Variants in FGF12 observed in about 807,000 individuals in gnomAD.
FGF12 encodes the protein fibroblast growth factor 12, also known as fibroblast growth factor 12B.
In FGF12, 14 loss-of-function variants were observed where a neutral mutation model predicts 23.6. The observed-to-expected ratio is 0.59, with a 90% confidence interval of 0.39 to 0.93. FGF12 has a LOEUF of 0.93. Ranked by LOEUF, FGF12 falls within the 40% of genes least tolerant of loss-of-function variation. FGF12 has a pLI of 0.00. For synonymous variants in FGF12, 62 were observed against 77.3 expected (o/e 0.80, Z 1.04); for missense variants, 175 against 217.8 (o/e 0.80, Z 1.24).
At chr3:192,687,399 A>G (rs1197589106) in intron 2 of FGF12, among the ~76,000 whole-genome samples, 1 of 152,032 alleles carries the variant, frequency 6.6e-6, no homozygotes, top group Non-Finnish European at 1.5e-5. Flanking sequence ...GCCAATGACC[A>G]CAAATGGGTT....
chr3:192,392,241 T>C lies in FGF12; in HGVS notation c.14-31703A>G, dbSNP rs566493284. On this transcript the variant is annotated intron_variant, in intron 2 of 5. Transcript: ENST00000445105. The stretch of plus-strand genomic sequence containing the variant: ...TTTTATAATCAGAGTTGACAACATA[T>C]GTCATCCACTGAAGATCATAAGATT... Among the ~76,000 whole-genome samples, 47 of 152,126 alleles carry C rather than the reference T, an allele frequency of 3.1e-4. 1 individual carries two copies. Among genetic ancestry groups the C allele is most frequent in the Middle Eastern group, 6.8e-3 (2 of 294 alleles).
At chr3:192,656,721 T>TA (rs1475357421) in intron 2 of FGF12, among the ~76,000 whole-genome samples, 13 of 152,190 alleles carry the variant, frequency 8.5e-5, no homozygotes, top group Non-Finnish European at 1.8e-4. Flanking sequence ...GACAGTCTTT[T>TA]AGTTCATGTA....
intron 2 of FGF12, among the ~76,000 whole-genome samples, chr3:192,528,526 T>C (rs1725009617): frequency 6.6e-6 from 1 of 152,166 alleles, no homozygotes; most frequent in East Asian, 1.9e-4. Flanking sequence ...TCTACCATTC[T>C]AGGGTCTGGA....
chr3:192,258,699 C>A (rs1234037789), intron 4 of FGF12, among the ~76,000 whole-genome samples: 2 of 151,932 alleles, frequency 1.3e-5, no homozygotes, highest in Non-Finnish European at 2.9e-5. Flanking sequence ...TTTTGGGTGA[C>A]TCAAAAGCAG....
chr3:192,362,087 G>C (rs927763966), intron 2 of FGF12, among the ~76,000 whole-genome samples: 1 of 152,068 alleles, frequency 6.6e-6, no homozygotes, highest in Non-Finnish European at 1.5e-5. Flanking sequence ...TATTCACTTT[G>C]AGCACATTAG....
chr3:192,150,926 C>T (rs939477722), intron 5 of FGF12, among the ~76,000 whole-genome samples: 1 of 142,356 alleles, frequency 7.0e-6, no homozygotes, highest in Non-Finnish European at 1.5e-5. Context: ...ATTTTCACGA[C>T]ATTGATTCTT....
chr3:192,365,015 C>T (rs539604429), intron 2 of FGF12, among the ~76,000 whole-genome samples: 49 of 152,120 alleles, frequency 3.2e-4, no homozygotes, highest in African/African-American at 1.2e-3. Flanking sequence ...AAACCCACAA[C>T]CCCAGTCTAT....
At chr3:192,410,556 G>T (rs1430670223) in intron 2 of FGF12, among the ~76,000 whole-genome samples, 1 of 152,204 alleles carries the variant, frequency 6.6e-6, no homozygotes, top group Non-Finnish European at 1.5e-5. Context: ...TAGTTAGGAA[G>T]AAAGTGAACA....
rs1022436113 is a variant in FGF12, at chr3:192,140,671, A to T, written c.*3338T>A. The T allele has an allele frequency of 1.3e-5, 2 of 152,046 alleles. No homozygotes were observed. The highest frequency in any genetic ancestry group is 2.9e-5 in the Non-Finnish European group (2 of 67,898). The allele number at this position is 152,046 out of a possible 1,614,324, so 9.4% of individuals were successfully genotyped here. On this transcript the variant is annotated 3_prime_UTR_variant, in exon 6 of 6. Transcript: ENST00000445105. ...CTATTTTATTAAACAGAAGAGTCTT[A>T]GTTCTTTTAAACAAGCTTTCTGAAT...
chr3:192,181,531 C>T (rs536506446), intron 4 of FGF12, among the ~76,000 whole-genome samples: 2 of 151,834 alleles, frequency 1.3e-5, no homozygotes, highest in Admixed American at 6.6e-5. Flanking sequence ...TATCACAAAA[C>T]ATGGATGCAA....
intron 5 of FGF12, among the ~76,000 whole-genome samples, chr3:192,155,060 G>C (rs2108593388): frequency 6.6e-6 from 1 of 151,064 alleles, no homozygotes; most frequent in South Asian, 2.1e-4. Context: ...ATATTCGGGT[G>C]GGAGTGACCC....
At chr3:192,569,850 GA>G (rs1712512185) in intron 2 of FGF12, among the ~76,000 whole-genome samples, 1 of 152,186 alleles carries the variant, frequency 6.6e-6, no homozygotes. Flanking sequence ...TTGCAATAGG[GA>G]AAACACGACT....
intron 2 of FGF12, among the ~76,000 whole-genome samples, chr3:192,470,507 GC>G (rs982249762): frequency 2.6e-4 from 40 of 152,246 alleles, no homozygotes; most frequent in African/African-American, 9.6e-4. Context: ...TCCTGCCTCG[GC>G]CCCCCGAATA....
chr3:192,167,770 A>ATAT (rs1421281367), intron 5 of FGF12, among the ~76,000 whole-genome samples: 184 of 9,100 alleles, frequency 0.02, 21 homozygotes, highest in Middle Eastern at 0.12. Context: ...TATATATATA[A>ATAT]AATTTTTTTT....
At chr3:192,376,511 T>A (rs1719513907) in intron 2 of FGF12, among the ~76,000 whole-genome samples, 1 of 152,014 alleles carries the variant, frequency 6.6e-6, no homozygotes, top group South Asian at 2.1e-4. Flanking sequence ...TACAGGCATG[T>A]GTCACCACGC....
chr3:192,629,962 C>CAA (rs1715321519), intron 2 of FGF12, among the ~76,000 whole-genome samples: 1 of 152,164 alleles, frequency 6.6e-6, no homozygotes, highest in African/African-American at 2.4e-5. Context: ...AGCTCCGGCC[C>CAA]AAATCGCATG....
intron 4 of FGF12, among the ~76,000 whole-genome samples, chr3:192,236,796 C>G (rs1038400762): frequency 1.3e-5 from 2 of 152,098 alleles, no homozygotes; most frequent in Non-Finnish European, 2.9e-5. Context: ...ACATGACACT[C>G]TGTGTCTTTT....
intron 2 of FGF12, among the ~76,000 whole-genome samples, chr3:192,368,526 G>A (rs1004960473): frequency 6.6e-6 from 1 of 152,114 alleles, no homozygotes; most frequent in African/African-American, 2.4e-5. Context: ...TACATTCCAG[G>A]AGCAGGGAGC....
chr3:192,301,701 G>A (rs1715357858), intron 4 of FGF12, among the ~76,000 whole-genome samples: 2 of 152,110 alleles, frequency 1.3e-5, no homozygotes, highest in Admixed American at 6.6e-5. Context: ...CCAGATGAAG[G>A]GAGGAGCATG....
Sources: allele counts gnomAD v4.1 joint callset (sites outside exome capture counted in the v4.1 genomes callset), GRCh38; gene constraint gnomAD v4.1.1; transcripts MANE v1.5; gene names NCBI Gene and HGNC (gene_info 2026-07-23, HGNC 2026-07-21).